The following UGT1A10 variants were observed in gnomAD, a reference collection of about 807,000 sequenced individuals.
UGT1A10 encodes UDP glucuronosyltransferase family 1 member A10.
In UGT1A10, 49 loss-of-function variants were observed where a neutral mutation model predicts 45.8. The observed-to-expected ratio is 1.07, with a 90% confidence interval of 0.85 to 1.36. UGT1A10 has a LOEUF of 1.36. UGT1A10 is among the 40% of genes most tolerant of loss of function. UGT1A10 has a pLI of 0.00. For missense variants in UGT1A10, 745 were observed against 668.6 expected, an observed-to-expected ratio of 1.11 and a Z score of -1.26; for synonymous variants, 284 against 249.7, an observed-to-expected ratio of 1.14 and a Z score of -1.29.
In UGT1A10 at chr2:233,682,886, C is replaced by A; in HGVS notation, c.855+45509C>A. On this transcript the variant is annotated intron_variant, in intron 1 of 4. Transcript: ENST00000344644. ...TCATAATTTATCATTTACATTTGTC[C>A]CATTTGGAATTTCTTTCTGGTTTAA... is the stretch of plus-strand genomic sequence containing the variant. 3 of 1,510,084 alleles carry A rather than the reference C, an allele frequency of 2.0e-6. 1 individual carries two copies. The highest frequency in any genetic ancestry group is 1.8e-4 in the Middle Eastern group (1 of 5,610). 93.5% of individuals were successfully genotyped at this position (1,510,084 alleles called of 1,614,324 possible). A position where few individuals can be genotyped will look rare whatever the true frequency, so the allele number is the denominator to read the frequency against.
chr2:233,669,908 C>T (rs544552407), intron 1 of UGT1A10, among the ~76,000 whole-genome samples: 1 of 152,208 alleles, frequency 6.6e-6, no homozygotes, highest in East Asian at 1.9e-4. Flanking sequence ...TGGTCTCCAA[C>T]TCCTGGCCTC....
At chr2:233,747,962 C>G (rs780665543) in intron 1 of UGT1A10, 4 of 1,613,470 alleles carry the variant, frequency 2.5e-6, no homozygotes, top group Non-Finnish European at 2.5e-6. Context: ...ATCTTCTCAG[C>G]CATGCATCTG....
intron 1 of UGT1A10, chr2:233,691,645 G>C: frequency 2.0e-6 from 2 of 985,472 alleles, no homozygotes; most frequent in South Asian, 4.7e-5. Context: ...GGCAGGGCCA[G>C]TGTGACCCTC....
rs1390329998 is a variant in UGT1A10 at position 233,760,823 on chromosome 2, T to A, written c.856-6211T>A. 6.2e-7 allele frequency: 1 copy of A among 1,613,528 alleles called. No homozygotes were observed. Among genetic ancestry groups the A allele is most frequent in the East Asian group, 2.2e-5 (1 of 44,862 alleles). On this transcript the variant is annotated intron_variant, in intron 1 of 4. Coordinates refer to ENST00000344644, the MANE Select transcript of UGT1A10 (RefSeq NM_019075.4). ...TTCTTGCATGCACTGCCATGCAGCC[T>A]GGAATTTGAGGCTACCCAGTGCCCC...
At chr2:233,641,238 T>C (rs764455283) in intron 1 of UGT1A10, among the ~76,000 whole-genome samples, 4 of 152,218 alleles carry the variant, frequency 2.6e-5, no homozygotes, top group Non-Finnish European at 4.4e-5. Context: ...TGGTAAATTC[T>C]TTTTACCTCC....
chr2:233,762,993 G>T (rs1698210222), intron 1 of UGT1A10, among the ~76,000 whole-genome samples: 1 of 152,172 alleles, frequency 6.6e-6, no homozygotes, highest in Non-Finnish European at 1.5e-5. Flanking sequence ...AGTGGAAATT[G>T]ATTATCATTT....
Position 233,693,031 on chromosome 2 carries a change from G to A in UGT1A10, c.855+55654G>A, listed in dbSNP as rs766815979. ...TGGCCTGCCTCCTTCGCTCATTTCAGAGAATTTCTGCAGGGGTTTTCTTCT... is the reference window on the plus strand; with the variant it reads ...TGGCCTGCCTCCTTCGCTCATTTCAAAGAATTTCTGCAGGGGTTTTCTTCT... On this transcript the variant is annotated intron_variant, in intron 1 of 4. Coordinates refer to ENST00000344644, the MANE Select transcript of UGT1A10 (RefSeq NM_019075.4). 16 of 1,614,172 alleles carry A rather than the reference G, an allele frequency of 9.9e-6. No individual in the cohort carries two copies. In the South Asian group the frequency reaches 1.4e-4, roughly 14 times the overall value.
chr2:233,755,882 G>A (rs1696054394), intron 1 of UGT1A10: 2 of 152,208 alleles, frequency 1.3e-5, no homozygotes, highest in Non-Finnish European at 2.9e-5. Context: ...ACCTTTTTAT[G>A]TAACTTTTTT....
intron 1 of UGT1A10, among the ~76,000 whole-genome samples, chr2:233,638,124 G>T (rs986406680): frequency 1.3e-5 from 2 of 152,140 alleles, no homozygotes; most frequent in Admixed American, 1.3e-4. Context: ...TTCCTGAATT[G>T]AGAAGACTGG....
chr2:233,704,283 A>C (rs1425877404), intron 1 of UGT1A10, among the ~76,000 whole-genome samples: 1 of 126,250 alleles, frequency 7.9e-6, no homozygotes, highest in African/African-American at 3.3e-5. Context: ...CATTGAGTGA[A>C]TATTTTCTAG....
At chr2:233,656,554 G>T (rs977351378) in intron 1 of UGT1A10, among the ~76,000 whole-genome samples, 19 of 152,320 alleles carry the variant, frequency 1.2e-4, no homozygotes, top group Non-Finnish European at 2.8e-4. Context: ...TTTAAGTGTA[G>T]GCGCCCATGA....
intron 1 of UGT1A10, among the ~76,000 whole-genome samples, chr2:233,730,506 A>G (rs2078042097): frequency 6.6e-6 from 1 of 152,128 alleles, no homozygotes; most frequent in Non-Finnish European, 1.5e-5. Flanking sequence ...AGAGAGGTTG[A>G]CTCAGTGGAA....
At chr2:233,713,173 T>C (rs28898602) in intron 1 of UGT1A10, 5 of 1,614,232 alleles carry the variant, frequency 3.1e-6, no homozygotes, top group Non-Finnish European at 4.2e-6. Context: ...GTGGTGGTCC[T>C]CACCCTGGAG....
intron 1 of UGT1A10, chr2:233,760,610 G>T (rs1389365341): frequency 1.2e-6 from 2 of 1,614,182 alleles, no homozygotes; most frequent in South Asian, 2.2e-5. Flanking sequence ...TTCCTGCAGC[G>T]TGTGATCAAA....
At chr2:233,737,874 C>A (rs1441437584) in intron 1 of UGT1A10, among the ~76,000 whole-genome samples, 1 of 152,148 alleles carries the variant, frequency 6.6e-6, no homozygotes, top group East Asian at 1.9e-4. Flanking sequence ...AAGAATTCCA[C>A]ATTAACAAAG....
chr2:233,670,067 T>G (rs1453726847), intron 1 of UGT1A10, among the ~76,000 whole-genome samples: 1 of 152,206 alleles, frequency 6.6e-6, no homozygotes, highest in Non-Finnish European at 1.5e-5. Context: ...CAGAAACAGT[T>G]GCTTAACACA....
At chr2:233,701,728 C>G (rs1007871533) in intron 1 of UGT1A10, among the ~76,000 whole-genome samples, 2 of 152,192 alleles carry the variant, frequency 1.3e-5, no homozygotes, top group Non-Finnish European at 2.9e-5. Context: ...ACTGAACAAC[C>G]TGCTCCTGAA....
Position 233,689,150 on chromosome 2 carries a change from A to G in UGT1A10, c.855+51773A>G, listed in dbSNP as rs546743991. 1.8e-4 allele frequency among the ~76,000 whole-genome samples: 27 copies of G among 152,338 alleles called. No individual in the cohort carries two copies. The East Asian group carries it at 4.2e-3, about 24-fold the overall frequency. ...TTGTTACAAGCCCCTGAAGGAAGTTATAAACACCTTATCTTCTACTAGGAC... is the reference window on the plus strand; with the variant it reads ...TTGTTACAAGCCCCTGAAGGAAGTTGTAAACACCTTATCTTCTACTAGGAC... On this transcript the variant is annotated intron_variant, in intron 1 of 4. Transcript: ENST00000344644.
At position 233,743,458 on chromosome 2, in the gene UGT1A10, A is replaced by C. The variant is rs61736688; in HGVS notation, c.856-23576A>C. On this transcript the variant is annotated intron_variant, in intron 1 of 4. Transcript: ENST00000344644. ...AAATCCTGTATCAAAAGAAGAAAAA[A>C]CACCCCCAAAAGCTGGAAATTCACT... 785 of 1,366,068 alleles carry C rather than the reference A, an allele frequency of 5.7e-4. 6 individuals are homozygous for C. In the Admixed American group the frequency reaches 0.012, roughly 22 times the overall value. 84.6% of individuals were successfully genotyped at this position (1,366,068 alleles called of 1,614,324 possible).
Sources: allele counts gnomAD v4.1 joint callset (sites outside exome capture counted in the v4.1 genomes callset), GRCh38; gene constraint gnomAD v4.1.1; transcripts MANE v1.5; gene names NCBI Gene and HGNC (gene_info 2026-07-23, HGNC 2026-07-21).